Variants in PTPN4 observed in about 807,000 individuals in gnomAD.
The protein encoded by PTPN4 is tyrosine-protein phosphatase non-receptor type 4.
Under a neutral mutation model 135.5 loss-of-function variants are expected in PTPN4, and 49 were observed. That is an observed-to-expected ratio of 0.36 (90% confidence interval 0.29 to 0.46). The LOEUF is 0.46. PTPN4 is among the 20% of genes least tolerant of loss of function. The probability of loss-of-function intolerance (pLI) is 1.00; values close to 1 mark genes in which losing one functional copy is unlikely to be tolerated. For missense variants in PTPN4, 860 were observed against 1,101.0 expected, an observed-to-expected ratio of 0.78 and a Z score of 3.10; for synonymous variants, 333 against 369.9, an observed-to-expected ratio of 0.90 and a Z score of 1.14.
At chr2:119,915,062 G>T in intron 10 of PTPN4, 117 bp from the exon 11 acceptor site, 1 of 828,132 alleles carries the variant, frequency 1.2e-6, no homozygotes, top group Non-Finnish European at 1.7e-6. Context: ...CTATGTGTAT[G>T]TATATATGAT....
At chr2:119,806,849 G>A (rs980645151) in intron 1 of PTPN4, among the ~76,000 whole-genome samples, 3 of 152,106 alleles carry the variant, frequency 2.0e-5, no homozygotes, top group Non-Finnish European at 2.9e-5. Flanking sequence ...CTCAGCAAAT[G>A]TAAAAGAACA....
At chr2:119,971,508 G>C (rs80014828) in intron 26 of PTPN4, among the ~76,000 whole-genome samples, 3,168 of 152,196 alleles carry the variant, frequency 0.021, 60 homozygotes, top group Non-Finnish European at 0.033. Context: ...TCTTTTGCCT[G>C]TTTTTGAATT....
intron 9 of PTPN4, among the ~76,000 whole-genome samples, chr2:119,894,381 G>A (rs1401942473): frequency 6.6e-6 from 1 of 152,164 alleles, no homozygotes; most frequent in Non-Finnish European, 1.5e-5. Context: ...TCTGATGTGT[G>A]CTTTCACTTA....
chr2:119,900,952 C>G (rs960960608), intron 10 of PTPN4, 146 bp downstream of exon 10: 1 of 444,436 alleles, frequency 2.3e-6, no homozygotes, highest in African/African-American at 2.1e-5. Flanking sequence ...TTAGTTAGCA[C>G]CTACCAGAAG....
intron 1 of PTPN4, among the ~76,000 whole-genome samples, chr2:119,795,155 G>A (rs1691229196): frequency 6.6e-6 from 1 of 152,166 alleles, no homozygotes; most frequent in Non-Finnish European, 1.5e-5. Flanking sequence ...CTGAGTCTGG[G>A]GATTTATGGG....
At position 119,860,319 on chromosome 2, in the gene PTPN4, C is replaced by T. The variant is rs917275199; in HGVS notation, c.139-2217C>T. Among the ~76,000 whole-genome samples the T allele has an allele frequency of 8.5e-5, 13 of 152,290 alleles. No individual in the cohort carries two copies. In the South Asian group the frequency reaches 1.0e-3, roughly 12 times the overall value. ...TCATTGATGAGTTTTTTCAGATAGC[C>T]ATTTGACCCAATTCTGGCCAATAAG... On this transcript the variant is annotated intron_variant, in intron 2 of 26. Transcript: ENST00000263708.
rs1225154759 is a variant in PTPN4, at chr2:119,977,246, A to T, written c.*176A>T. 11 of 1,041,882 alleles carry T rather than the reference A, an allele frequency of 1.1e-5. No homozygotes were observed. The East Asian group carries it at 3.7e-4, about 35-fold the overall frequency. The allele number at this position is 1,041,882 out of a possible 1,614,324, so 64.5% of individuals were successfully genotyped here. On this transcript the variant is annotated 3_prime_UTR_variant, in exon 27 of 27. Transcript: ENST00000263708. ...TTTTAAAAAATGTCACTCTTTCAAA[A>T]TCTATAACTCATGTATTTGAAGACT...
At chr2:119,912,065 T>C (rs958419407) in intron 10 of PTPN4, among the ~76,000 whole-genome samples, 4 of 152,206 alleles carry the variant, frequency 2.6e-5, no homozygotes, top group Non-Finnish European at 5.9e-5. Context: ...CCATCCATGT[T>C]GTGGTATATC....
chr2:119,900,830 T>C (rs1213161595), intron 10 of PTPN4, 24 bp downstream of exon 10: 5 of 1,343,108 alleles, frequency 3.7e-6, no homozygotes, highest in Middle Eastern at 4.2e-4. Flanking sequence ...TTGATACTTT[T>C]ATGTTTACCA....
rs1030425750 is a variant in PTPN4, at chr2:119,959,630, G to A, written c.2134-1177G>A. 9.9e-5 allele frequency among the ~76,000 whole-genome samples: 15 copies of A among 152,182 alleles called. 1 individual carries two copies. The highest frequency in any genetic ancestry group is 9.2e-4 in the Admixed American group (14 of 15,270). ...GTAGAAAAATATGCTTTGGGATTCCGAATTTTTGGAATTTTGAAAGGGTAT... is the reference window on the plus strand; with the variant it reads ...GTAGAAAAATATGCTTTGGGATTCCAAATTTTTGGAATTTTGAAAGGGTAT... On this transcript the variant is annotated intron_variant, in intron 22 of 26. Transcript: ENST00000263708.
At chr2:119,892,347 A>C (rs1678252707) in intron 9 of PTPN4, among the ~76,000 whole-genome samples, 1 of 152,184 alleles carries the variant, frequency 6.6e-6, no homozygotes, top group South Asian at 2.1e-4. Context: ...TGTGTGTAAA[A>C]TTTTGAGTTG....
At chr2:119,907,430 T>C (rs897368393) in intron 10 of PTPN4, among the ~76,000 whole-genome samples, 1 of 112,020 alleles carries the variant, frequency 8.9e-6, no homozygotes, top group African/African-American at 2.7e-5. Context: ...CAAGACCTCG[T>C]CTCTATAAAA....
In PTPN4 at chr2:119,818,768, A is replaced by G. The variant is rs148507334; in HGVS notation, c.138+8777A>G. Among the ~76,000 whole-genome samples the G allele has an allele frequency of 3.6e-3, 543 of 152,276 alleles. 3 individuals carry two copies. Among genetic ancestry groups the G allele is most frequent in the African/African-American group, 0.012 (518 of 41,544 alleles). On this transcript the variant is annotated intron_variant, in intron 2 of 26. Transcript: ENST00000263708. ...ATAGCCAGCAGATTACTTTGATCTT[A>G]TGGAGATTAGTTTTAAGCTTTTTAA...
At chr2:119,872,942 A>C (rs985030900) in intron 3 of PTPN4, among the ~76,000 whole-genome samples, 15 of 152,212 alleles carry the variant, frequency 9.9e-5, no homozygotes, top group African/African-American at 3.6e-4. Flanking sequence ...ATTTTCTTTA[A>C]GACCAAGGCT....
chr2:119,908,055 AG>A (rs1678514773), intron 10 of PTPN4, among the ~76,000 whole-genome samples: 1 of 152,208 alleles, frequency 6.6e-6, no homozygotes, highest in South Asian at 2.1e-4. Flanking sequence ...TTTTATGGGT[AG>A]GTCTTTAAAA....
intron 26 of PTPN4, among the ~76,000 whole-genome samples, chr2:119,969,777 C>T (rs1679502261): frequency 6.6e-6 from 1 of 151,940 alleles, no homozygotes; most frequent in Non-Finnish European, 1.5e-5. Context: ...CCAGGATGGT[C>T]TAGATCTCCT....
At chr2:119,819,689 A>G (rs72969148) in intron 2 of PTPN4, among the ~76,000 whole-genome samples, 3,856 of 152,338 alleles carry the variant, frequency 0.025, 164 homozygotes, top group African/African-American at 0.087. Flanking sequence ...ATCTGGGCAT[A>G]GCCGTTGTCA....
intron 19 of PTPN4, among the ~76,000 whole-genome samples, chr2:119,953,183 GT>G (rs929766629): frequency 5.9e-5 from 9 of 152,084 alleles, no homozygotes; most frequent in Non-Finnish European, 1.2e-4. Flanking sequence ...TATTCTTCTG[GT>G]TTTGTTCTAT....
intron 15 of PTPN4, among the ~76,000 whole-genome samples, chr2:119,942,594 T>A (rs1334749700): frequency 6.6e-6 from 1 of 151,994 alleles, no homozygotes; most frequent in East Asian, 1.9e-4. Context: ...GCAGAAAGAG[T>A]TTCTAATTAT....
Sources: allele counts gnomAD v4.1 joint callset (sites outside exome capture counted in the v4.1 genomes callset), GRCh38; gene constraint gnomAD v4.1.1; transcripts MANE v1.5; gene names NCBI Gene and HGNC (gene_info 2026-07-23, HGNC 2026-07-21).